The following LDLRAD4 variants were observed in gnomAD, a reference collection of about 807,000 sequenced individuals.
LDLRAD4 encodes low density lipoprotein receptor class A domain containing 4.
A neutral mutation model predicts 17.0 loss-of-function variants in LDLRAD4; 5 were observed. That is an observed-to-expected ratio of 0.29 (90% CI 0.15 to 0.62). The LOEUF (loss-of-function observed/expected upper bound fraction) is 0.62, where lower values mean the gene tolerates loss of function less well. Among genes scored for constraint, LDLRAD4 ranks in the 20% least tolerant of loss-of-function variants. LDLRAD4 has a pLI of 0.84. For missense variants in LDLRAD4, 340 were observed against 424.7 expected (o/e 0.80, Z 1.75); for synonymous variants, 168 against 171.8 (o/e 0.98, Z 0.17).
exon 6 of LDLRAD4, chr18:13,648,832 A>G (rs2043120726): frequency 6.6e-6 from 1 of 152,184 alleles, no homozygotes; most frequent in African/African-American, 2.4e-5. Flanking sequence ...GGCATCTTGA[A>G]TCCCATCTAT....
chr18:13,245,695 AG>A (rs2042921734), intron 1 of LDLRAD4, among the ~76,000 whole-genome samples: 1 of 152,182 alleles, frequency 6.6e-6, no homozygotes, highest in Non-Finnish European at 1.5e-5. Context: ...TTCTGCTTCA[AG>A]GGGGCAGAGG....
intron 1 of LDLRAD4, among the ~76,000 whole-genome samples, chr18:13,293,049 G>T (rs2046059482): frequency 6.6e-6 from 1 of 152,244 alleles, no homozygotes; most frequent in Non-Finnish European, 1.5e-5. Context: ...CTTCACTGCT[G>T]ACATCTTAAC....
chr18:13,553,576 T>G (rs1008145999), intron 3 of LDLRAD4, among the ~76,000 whole-genome samples: 12 of 152,222 alleles, frequency 7.9e-5, no homozygotes, highest in Non-Finnish European at 1.8e-4. Flanking sequence ...AACATGATGT[T>G]CCCTGAGCTG....
intron 2 of LDLRAD4, among the ~76,000 whole-genome samples, chr18:13,426,495 T>G (rs2089948902): frequency 1.3e-5 from 2 of 151,978 alleles, no homozygotes; most frequent in Admixed American, 6.6e-5. Flanking sequence ...CTCTGCCCAG[T>G]AGCGGGGCTG....
intron 1 of LDLRAD4, among the ~76,000 whole-genome samples, chr18:13,311,177 G>A (rs923314938): frequency 6.6e-6 from 1 of 152,214 alleles, no homozygotes; most frequent in Admixed American, 6.5e-5. Context: ...AGAGCTTACT[G>A]GGTGCTTCTG....
chr18:13,397,183 G>C (rs1176127166), intron 2 of LDLRAD4, among the ~76,000 whole-genome samples: 1 of 151,594 alleles, frequency 6.6e-6, no homozygotes, highest in East Asian at 1.9e-4. Context: ...TCGCTCTGTC[G>C]CCCAGGCTGG....
intron 1 of LDLRAD4, among the ~76,000 whole-genome samples, chr18:13,356,759 A>G (rs757722637): frequency 3.9e-5 from 6 of 152,186 alleles, no homozygotes; most frequent in Non-Finnish European, 8.8e-5. Flanking sequence ...GAAATTTATA[A>G]TAATGACTTT....
chr18:13,458,055 G>A (rs930161174), intron 3 of LDLRAD4, among the ~76,000 whole-genome samples: 2 of 152,086 alleles, frequency 1.3e-5, no homozygotes, highest in Non-Finnish European at 2.9e-5. Flanking sequence ...TGGTGAGTTC[G>A]GTAGGCCAAT....
chr18:13,567,455 C>T (rs111792239), intron 3 of LDLRAD4, among the ~76,000 whole-genome samples: 69 of 152,318 alleles, frequency 4.5e-4, no homozygotes, highest in African/African-American at 1.6e-3. Context: ...CACCACCCCC[C>T]GCCGCTGCAG....
At chr18:13,635,496 C>A (rs1056519553) in intron 4 of LDLRAD4, among the ~76,000 whole-genome samples, 22 of 152,176 alleles carry the variant, frequency 1.4e-4, no homozygotes, top group African/African-American at 5.3e-4. Context: ...GCAAATTGCA[C>A]ATCTTGATTT....
At chr18:13,227,861 A>C (rs1195161762) in intron 1 of LDLRAD4, among the ~76,000 whole-genome samples, 14 of 152,242 alleles carry the variant, frequency 9.2e-5, no homozygotes, top group South Asian at 8.3e-4. Context: ...CCCCCAACAC[A>C]TGGGGATTAC....
intron 1 of LDLRAD4, among the ~76,000 whole-genome samples, chr18:13,270,819 A>G (rs2044493155): frequency 6.6e-6 from 1 of 152,258 alleles, no homozygotes; most frequent in Admixed American, 6.5e-5. Flanking sequence ...TGTATTTCAA[A>G]TAATGAGACT....
intron 1 of LDLRAD4, among the ~76,000 whole-genome samples, chr18:13,316,517 A>T (rs1314367390): frequency 6.6e-6 from 1 of 152,178 alleles, no homozygotes; most frequent in Non-Finnish European, 1.5e-5. Context: ...TGTAGGAGGG[A>T]ATGCAGAGCC....
intron 1 of LDLRAD4, among the ~76,000 whole-genome samples, chr18:13,285,113 C>T (rs1198804397): frequency 6.6e-6 from 1 of 152,176 alleles, no homozygotes; most frequent in African/African-American, 2.4e-5. Flanking sequence ...GAGGTTGCAG[C>T]GTCCCTCTCA....
At chr18:13,223,909 GATCTGCCTCTGGAGCTAA>G (rs2041606849) in intron 1 of LDLRAD4, among the ~76,000 whole-genome samples, 1 of 152,196 alleles carries the variant, frequency 6.6e-6, no homozygotes, top group Admixed American at 6.5e-5. Context: ...CAGGTTCTGG[GATCTGCCTCTGGAGCTAA>G]ATGAGGTGGG....
At chr18:13,636,408 A>C (rs1462808794) in intron 4 of LDLRAD4, among the ~76,000 whole-genome samples, 2 of 151,844 alleles carry the variant, frequency 1.3e-5, no homozygotes, top group East Asian at 3.9e-4. Context: ...CATTCACAAT[A>C]CAGATTTCAT....
At chr18:13,492,917 T>C (rs1291781403) in intron 3 of LDLRAD4, among the ~76,000 whole-genome samples, 1 of 152,056 alleles carries the variant, frequency 6.6e-6, no homozygotes. Context: ...ATCGCTGTGC[T>C]ACCAGCCTGG....
Position 13,300,932 on chromosome 18 carries a change from A to G in LDLRAD4, c.-383+22744A>G, listed in dbSNP as rs906087469. The stretch of plus-strand genomic sequence containing the variant: ...CGTGGCACCTGGCTGCTTGGCTGTG[A>G]GGGCTGATCTTCCAGTGCCCGAGTC... On this transcript the variant is annotated intron_variant, in intron 1 of 5. Transcript: ENST00000359446. The surrounding 1 kb of genome is among the most constrained non-coding windows in gnomAD (Gnocchi z 4.2). 5.3e-5 allele frequency among the ~76,000 whole-genome samples: 8 copies of G among 152,202 alleles called. No homozygotes were observed. The highest frequency in any genetic ancestry group is 1.9e-4 in the African/African-American group (8 of 41,448).
intron 2 of LDLRAD4, among the ~76,000 whole-genome samples, chr18:13,419,020 C>T (rs914017056): frequency 6.6e-6 from 1 of 152,150 alleles, no homozygotes; most frequent in Admixed American, 6.5e-5. Context: ...TGAAAACTTG[C>T]GGTGAGTGCT....
Sources: allele counts gnomAD v4.1 joint callset (sites outside exome capture counted in the v4.1 genomes callset), GRCh38; gene constraint gnomAD v4.1.1; non-coding constraint Gnocchi (gnomAD v3.1); transcripts MANE v1.5; gene names NCBI Gene and HGNC (gene_info 2026-07-23, HGNC 2026-07-21).